Variants in SOX6 observed in about 807,000 individuals in gnomAD.
SOX6 encodes the protein SRY-box transcription factor 6.
A neutral mutation model predicts 97.8 loss-of-function variants in SOX6; 11 were observed. That is an observed-to-expected ratio of 0.11 (90% CI 0.07 to 0.19). The LOEUF is 0.19. SOX6 is among the 10% of genes least tolerant of loss of function. SOX6 has a pLI of 1.00. For missense variants in SOX6, 810 were observed against 1,039.5 expected (o/e 0.78, Z 3.04); for synonymous variants, 360 against 371.4 (o/e 0.97, Z 0.35).
intron 1 of SOX6, among the ~76,000 whole-genome samples, chr11:16,413,512 C>CTTTTTT (rs752774148): frequency 1.3e-5 from 1 of 76,226 alleles, no homozygotes; most frequent in African/African-American, 5.4e-5. Flanking sequence ...AAGACTTCTA[C>CTTTTTT]TTTTTTTTTT....
At chr11:16,574,471 T>C (rs901152642) in intron 4 of SOX6, among the ~76,000 whole-genome samples, 12 of 152,140 alleles carry the variant, frequency 7.9e-5, no homozygotes, top group Non-Finnish European at 1.8e-4. Flanking sequence ...TTAGACAGTA[T>C]ACCAAAACAT....
At chr11:16,013,918 T>C (rs1251474868) in intron 13 of SOX6, among the ~76,000 whole-genome samples, 3 of 151,948 alleles carry the variant, frequency 2.0e-5, no homozygotes, top group African/African-American at 7.2e-5. Flanking sequence ...TTTCGAGGGA[T>C]TTTAGGGTCC....
chr11:16,357,115 A>G (rs1377675657), upstream of SOX6, among the ~76,000 whole-genome samples: 1 of 152,128 alleles, frequency 6.6e-6, no homozygotes, highest in Non-Finnish European at 1.5e-5. Context: ...CTATGTCTCT[A>G]TTTCTCCAGG....
intron 1 of SOX6, among the ~76,000 whole-genome samples, chr11:16,471,269 G>GA (rs1036925758): frequency 7.9e-5 from 12 of 151,642 alleles, no homozygotes; most frequent in South Asian, 4.2e-4. Flanking sequence ...TTTTTTAAGA[G>GA]AAAAAAAACA....
At chr11:16,676,080 G>A (rs1847882269) in intron 3 of SOX6, among the ~76,000 whole-genome samples, 2 of 143,624 alleles carry the variant, frequency 1.4e-5, no homozygotes, top group South Asian at 4.6e-4. Flanking sequence ...GGTTTCTGAG[G>A]CTCTGCTCAT....
chr11:16,727,290 C>CTTTTTT (rs557437543), intron 2 of SOX6, among the ~76,000 whole-genome samples: 25 of 92,976 alleles, frequency 2.7e-4, no homozygotes, highest in African/African-American at 3.8e-4. Context: ...ATTCACCTTG[C>CTTTTTT]TTTTTTTTTT....
At chr11:16,143,771 G>A (rs979074079) in intron 6 of SOX6, among the ~76,000 whole-genome samples, 1 of 152,166 alleles carries the variant, frequency 6.6e-6, no homozygotes, top group Non-Finnish European at 1.5e-5. Context: ...TTACATAATG[G>A]TAAAGGGAAT....
intron 12 of SOX6, among the ~76,000 whole-genome samples, chr11:16,022,155 C>T (rs1855077328): frequency 1.3e-5 from 2 of 152,070 alleles, no homozygotes; most frequent in Non-Finnish European, 2.9e-5. Flanking sequence ...AAAAATACAG[C>T]AACTCATAAC....
At chr11:16,157,659 G>C (rs1850637788) in intron 6 of SOX6, among the ~76,000 whole-genome samples, 1 of 151,852 alleles carries the variant, frequency 6.6e-6, no homozygotes, top group Non-Finnish European at 1.5e-5. Context: ...TTCTTAATTG[G>C]TCATAAAAGG....
intron 3 of SOX6, among the ~76,000 whole-genome samples, chr11:16,241,718 T>A (rs556893266): frequency 1.2e-3 from 188 of 152,112 alleles, no homozygotes; most frequent in Non-Finnish European, 2.3e-3. Flanking sequence ...GCTGGAACTA[T>A]CTAAAGGCTC....
chr11:16,278,041 T>C (rs10741695), intron 3 of SOX6, among the ~76,000 whole-genome samples: 2,260 of 151,974 alleles, frequency 0.015, 23 homozygotes, highest in Non-Finnish European at 0.024. Flanking sequence ...ATATATATAT[T>C]TCTCTCTTAG....
chr11:16,499,414 A>C (rs763859469), intron 4 of SOX6, among the ~76,000 whole-genome samples: 20 of 152,190 alleles, frequency 1.3e-4, no homozygotes, highest in African/African-American at 3.6e-4. Context: ...GAAGCAAGAG[A>C]AAACACATTC....
intron 6 of SOX6, among the ~76,000 whole-genome samples, chr11:16,144,916 G>A (rs1340604131): frequency 6.6e-6 from 1 of 152,150 alleles, no homozygotes; most frequent in East Asian, 1.9e-4. Context: ...AATTCTACCA[G>A]AGGTACAAGG....
intron 3 of SOX6, among the ~76,000 whole-genome samples, chr11:16,659,848 T>C (rs1267585414): frequency 1.3e-5 from 2 of 152,154 alleles, no homozygotes; most frequent in African/African-American, 4.8e-5. Flanking sequence ...CTTGTGTGAG[T>C]TTTAGTAGAT....
At chr11:16,055,370 A>G (rs1189312391) in intron 10 of SOX6, among the ~76,000 whole-genome samples, 3 of 152,074 alleles carry the variant, frequency 2.0e-5, no homozygotes, top group Non-Finnish European at 4.4e-5. Context: ...CAATATCCCA[A>G]TTCTCTGGTC....
chr11:16,174,920 GA>G (rs1851145188), intron 6 of SOX6, among the ~76,000 whole-genome samples: 1 of 151,798 alleles, frequency 6.6e-6, no homozygotes, highest in Non-Finnish European at 1.5e-5. Context: ...TCTGTTTTTT[GA>G]AAATAAAATG....
chr11:16,269,961 A>T (rs771200365), intron 3 of SOX6: 3 of 151,280 alleles, frequency 2.0e-5, no homozygotes, highest in Non-Finnish European at 4.4e-5. Context: ...AAAATGTTGA[A>T]TATAGTGGTG....
At chr11:16,555,829 A>C (rs1041577827) in intron 4 of SOX6, among the ~76,000 whole-genome samples, 2 of 151,660 alleles carry the variant, frequency 1.3e-5, no homozygotes, top group Admixed American at 1.3e-4. Context: ...GAACAAATTC[A>C]TATTTACCAA....
chr11:16,079,007 G>C (rs1238256567), intron 9 of SOX6, among the ~76,000 whole-genome samples: 1 of 152,100 alleles, frequency 6.6e-6, no homozygotes, highest in East Asian at 1.9e-4. Context: ...CCATGAAACC[G>C]ACTTTGTGTT....
Sources: gnomAD v4.1 joint callset for allele counts (sites outside exome capture counted in the v4.1 genomes callset) on GRCh38, gnomAD v4.1.1 for gene constraint, MANE v1.5 for transcripts, NCBI Gene and HGNC (gene_info 2026-07-23, HGNC 2026-07-21) for gene names.